The following SH3GL3 variants were observed in gnomAD, a reference collection of about 807,000 sequenced individuals.
SH3GL3 encodes the protein endophilin-A3.
SH3GL3 carries 33 observed loss-of-function variants against 47.7 expected under a neutral mutation model. The observed-to-expected ratio is 0.69, with a 90% CI of 0.52 to 0.92. The LOEUF (loss-of-function observed/expected upper bound fraction) is 0.92, where lower values mean the gene tolerates loss of function less well. Ranked by LOEUF, SH3GL3 falls within the 40% of genes least tolerant of loss-of-function variation. The pLI is 0.00. For synonymous variants in SH3GL3, 155 were observed against 148.8 expected, an observed-to-expected ratio of 1.04 and a Z score of -0.30; for missense variants, 363 against 417.8, an observed-to-expected ratio of 0.87 and a Z score of 1.14.
intron 4 of SH3GL3, among the ~76,000 whole-genome samples, chr15:83,571,462 A>G (rs1305994005): frequency 1.3e-5 from 2 of 152,154 alleles, no homozygotes; most frequent in Non-Finnish European, 2.9e-5. Flanking sequence ...AGCTAAGGAA[A>G]TGTAGCTTCC....
At chr15:83,567,964 TTTTTC>T (rs1356584335) in intron 3 of SH3GL3, among the ~76,000 whole-genome samples, 2 of 151,646 alleles carry the variant, frequency 1.3e-5, no homozygotes, top group Non-Finnish European at 2.9e-5. Flanking sequence ...TTTCTTTTTT[TTTTTC>T]TTTCTTTCTT....
rs779544464 is a variant in SH3GL3 at position 83,607,768 on chromosome 15, T to A, written c.839-10314T>A. 2.6e-5 allele frequency among the ~76,000 whole-genome samples: 4 copies of A among 151,958 alleles called. No homozygotes were observed. The South Asian group carries it at 6.2e-4, about 24-fold the overall frequency. ...GGTATCATCTGCAAGCTGATCACTATGCCAATGGCCAGAAAGCCAACTCTA... is the reference window on the plus strand; with the variant it reads ...GGTATCATCTGCAAGCTGATCACTAAGCCAATGGCCAGAAAGCCAACTCTA... On this transcript the variant is annotated intron_variant, in intron 8 of 8. Transcript: ENST00000427482.
At chr15:83,527,511 A>G (rs373279939) in intron 1 of SH3GL3, among the ~76,000 whole-genome samples, 5 of 152,024 alleles carry the variant, frequency 3.3e-5, no homozygotes, top group African/African-American at 1.2e-4. Context: ...AGTCTGTTTT[A>G]TCTGACATAA....
chr15:83,565,247 C>G (rs1252980841), intron 3 of SH3GL3, 41 bp downstream of exon 3: 2 of 1,044,936 alleles, frequency 1.9e-6, no homozygotes, highest in Admixed American at 3.4e-5. Context: ...CTGTCACAGA[C>G]TCTAATAACC....
intron 8 of SH3GL3, among the ~76,000 whole-genome samples, chr15:83,596,761 C>A (rs140839817): frequency 2.6e-5 from 4 of 152,196 alleles, no homozygotes; most frequent in African/African-American, 9.6e-5. Context: ...AGCCACTGCA[C>A]CCCCACTGAT....
intron 1 of SH3GL3, among the ~76,000 whole-genome samples, chr15:83,529,000 A>G (rs1397150073): frequency 6.6e-6 from 1 of 151,922 alleles, no homozygotes; most frequent in Non-Finnish European, 1.5e-5. Context: ...GTTGATGGTT[A>G]GGTATAGTGC....
At chr15:83,546,594 A>G (rs1596229743) in intron 1 of SH3GL3, among the ~76,000 whole-genome samples, 1 of 152,096 alleles carries the variant, frequency 6.6e-6, no homozygotes, top group African/African-American at 2.4e-5. Context: ...TTCTTCAAGC[A>G]GGAGCCTTTC....
intron 1 of SH3GL3, among the ~76,000 whole-genome samples, chr15:83,493,742 C>T (rs17158919): frequency 0.033 from 5,008 of 151,310 alleles, 278 homozygotes; most frequent in African/African-American, 0.11. Context: ...CACGTGGTCT[C>T]GACTGTTAAG....
chr15:83,466,770 T>C (rs2040588572), intron 1 of SH3GL3, among the ~76,000 whole-genome samples: 1 of 152,216 alleles, frequency 6.6e-6, no homozygotes, highest in South Asian at 2.1e-4. Flanking sequence ...GATATGTCAT[T>C]GTGGTTTTAA....
At chr15:83,575,607 G>A (rs966277694) in intron 5 of SH3GL3, among the ~76,000 whole-genome samples, 1 of 152,220 alleles carries the variant, frequency 6.6e-6, no homozygotes, top group Non-Finnish European at 1.5e-5. Flanking sequence ...AGGTGTTCAT[G>A]TAGAGGTACA....
At chr15:83,615,618 C>T (rs2060792270) in intron 8 of SH3GL3, among the ~76,000 whole-genome samples, 3 of 152,054 alleles carry the variant, frequency 2.0e-5, no homozygotes, top group South Asian at 4.1e-4. Context: ...GGCCTGTTAA[C>T]ATTTATTATA....
chr15:83,619,110 TGCCTACAGTAC>T (rs2060898649), downstream of SH3GL3, among the ~76,000 whole-genome samples: 1 of 152,202 alleles, frequency 6.6e-6, no homozygotes, highest in South Asian at 2.1e-4. Flanking sequence ...CCCCTGGCCT[TGCCTACAGTAC>T]GCACTAGTTA....
the SH3GL3 span, among the ~76,000 whole-genome samples, chr15:83,629,476 T>TA: frequency 7.8e-3 from 1,184 of 152,268 alleles, 19 homozygotes; most frequent in African/African-American, 0.026. Flanking sequence ...TTCTGCAAAC[T>TA]AAAAATAAAC....
At chr15:83,547,234 T>G (rs568693794) in intron 1 of SH3GL3, among the ~76,000 whole-genome samples, 1 of 152,186 alleles carries the variant, frequency 6.6e-6, no homozygotes, top group African/African-American at 2.4e-5. Flanking sequence ...TTCTGACTGC[T>G]GGGATGGACG....
At chr15:83,625,041 G>T in the SH3GL3 span, among the ~76,000 whole-genome samples, 2 of 151,998 alleles carry the variant, frequency 1.3e-5, no homozygotes, top group Non-Finnish European at 1.5e-5. Context: ...CGGGTGGATT[G>T]TGAGGTCAGG....
At chr15:83,580,071 C>T (rs2059792199) in intron 6 of SH3GL3, among the ~76,000 whole-genome samples, 1 of 152,210 alleles carries the variant, frequency 6.6e-6, no homozygotes, top group South Asian at 2.1e-4. Flanking sequence ...CTGTGTTTGG[C>T]CCATCTCCAA....
intron 1 of SH3GL3, among the ~76,000 whole-genome samples, chr15:83,516,350 T>C (rs1201092547): frequency 2.0e-5 from 3 of 152,216 alleles, no homozygotes; most frequent in Non-Finnish European, 2.9e-5. Flanking sequence ...AAATAACGAC[T>C]ATAGTATGTT....
chr15:83,565,367 T>C (rs2045484135), intron 3 of SH3GL3, 161 bp downstream of exon 3: 3 of 625,084 alleles, frequency 4.8e-6, no homozygotes, highest in South Asian at 3.7e-5. Context: ...GGTAGTTGCA[T>C]TCGGTCCTAC....
At chr15:83,561,237 GAAA>G (rs562272640) in intron 2 of SH3GL3, among the ~76,000 whole-genome samples, 1 of 150,452 alleles carries the variant, frequency 6.6e-6, no homozygotes, top group East Asian at 1.9e-4. Context: ...CTAGGTTATA[GAAA>G]AAAAAACTCG....
Sources: gnomAD v4.1 joint callset for allele counts (sites outside exome capture counted in the v4.1 genomes callset) on GRCh38, gnomAD v4.1.1 for gene constraint, MANE v1.5 for transcripts, NCBI Gene and HGNC (gene_info 2026-07-23, HGNC 2026-07-21) for gene names.